Variants in DNAAF4 observed in about 807,000 individuals in gnomAD.
DNAAF4 encodes dynein assembly factor 4, axonemal.
Under a neutral mutation model 51.8 loss-of-function variants are expected in DNAAF4, and 43 were observed. The ratio of observed to expected loss-of-function variants is 0.83; its 90% CI spans 0.65 to 1.07. The LOEUF is 1.07. Among genes scored for constraint, DNAAF4 ranks in the 50% least tolerant of loss-of-function variants. The pLI is 0.00. For synonymous variants in DNAAF4, 194 were observed against 165.6 expected, an observed-to-expected ratio of 1.17 and a Z score of -1.32; for missense variants, 581 against 493.0, an observed-to-expected ratio of 1.18 and a Z score of -1.69.
chr15:55,489,817 G>T (rs745844956), intron 4 of DNAAF4, among the ~76,000 whole-genome samples: 2 of 151,476 alleles, frequency 1.3e-5, no homozygotes, highest in Non-Finnish European at 2.9e-5. Context: ...CTTAAATAAT[G>T]CGTATTATAG....
At position 55,477,504 on chromosome 15, in the gene DNAAF4, A is replaced by G. The variant is rs72744201; in HGVS notation, c.406-10343T>C. On this transcript the variant is annotated intron_variant, in intron 4 of 9. Transcript: ENST00000321149. ...AGGGAGGAGTAGAAAATGGAGTTATATTAGAACAAGTTGCTATATTTTACT... is the reference window on the plus strand; with the variant it reads ...AGGGAGGAGTAGAAAATGGAGTTATGTTAGAACAAGTTGCTATATTTTACT... 7.1e-3 allele frequency among the ~76,000 whole-genome samples: 1,077 copies of G among 152,252 alleles called. 7 individuals are homozygous for G. The highest frequency in any genetic ancestry group is 0.012 in the South Asian group (58 of 4,830).
At position 55,491,401 on chromosome 15, in the gene DNAAF4, C is replaced by A. The variant is rs538820030; in HGVS notation, c.272-145G>T. On this transcript the variant is annotated intron_variant, in intron 3 of 9. Coordinates refer to ENST00000321149, the MANE Select transcript of DNAAF4 (RefSeq NM_130810.4). ...ATGGAAAATATTTTTCAATATTAAA[C>A]TGGCCAAGAAGCTAATGTTAAAAGG... 34 of 809,792 alleles carry A rather than the reference C, an allele frequency of 4.2e-5. 1 individual carries two copies. In the African/African-American group the frequency reaches 4.4e-4, roughly 10 times the overall value. 50.2% of individuals were successfully genotyped at this position (809,792 alleles called of 1,614,324 possible). A position where few individuals can be genotyped will look rare whatever the true frequency, so the allele number is the denominator to read the frequency against.
At chr15:55,430,838 T>C (rs2057480794) in intron 9 of DNAAF4, 59 bp from the exon 10 acceptor site, 1 of 1,332,718 alleles carries the variant, frequency 7.5e-7, no homozygotes, top group Non-Finnish European at 1.1e-6. Flanking sequence ...ACTTCTTTTA[T>C]CTAGACAATA....
chr15:55,483,833 C>CTTTTTT lies in DNAAF4; in HGVS notation c.405+7284_405+7289dup, dbSNP rs71105887. On this transcript the variant is annotated intron_variant, in intron 4 of 9. Transcript: ENST00000321149. Reference sequence around the variant, plus strand: ...GAGCCATCACACCCAGCCAATAAAGCTTTTTTTTTTTTTTTTTTTTTTTTT... The same window carrying CTTTTTT: ...GAGCCATCACACCCAGCCAATAAAGCTTTTTTTTTTTTTTTTTTTTTTTTTTTTTTT... Among the ~76,000 whole-genome samples the CTTTTTT allele has an allele frequency of 2.9e-3, 236 of 82,444 alleles. 56 individuals are homozygous for CTTTTTT. Among genetic ancestry groups the CTTTTTT allele is most frequent in the Non-Finnish European group, 4.1e-3 (188 of 45,646 alleles). 54.1% of individuals were successfully genotyped at this position (82,444 alleles called of 152,430 possible).
At chr15:55,473,233 A>G (rs2919005) in intron 4 of DNAAF4, among the ~76,000 whole-genome samples, 9,288 of 43,386 alleles carry the variant, frequency 0.21, 1,098 homozygotes, top group East Asian at 0.47. Flanking sequence ...GTGTGTGTGT[A>G]TATATATATA....
At chr15:55,455,484 T>C (rs1766619345) in intron 5 of DNAAF4, among the ~76,000 whole-genome samples, 1 of 151,302 alleles carries the variant, frequency 6.6e-6, no homozygotes, top group South Asian at 2.1e-4. Flanking sequence ...CACACTGGAA[T>C]GCAGTGGCGC....
Position 55,452,558 on chromosome 15 carries a change from T to C in DNAAF4, c.638-2191A>G, listed in dbSNP as rs1030733754. ...AACTCTTCTATTTTCCATTTGCAAA[T>C]TGCAAAACATAAAAAAGAAATTTGC... On this transcript the variant is annotated intron_variant, in intron 5 of 9. Coordinates refer to ENST00000321149, the MANE Select transcript of DNAAF4 (RefSeq NM_130810.4). 2.0e-5 allele frequency among the ~76,000 whole-genome samples: 3 copies of C among 152,078 alleles called. No individual in the cohort carries two copies. In the East Asian group the frequency reaches 5.8e-4, roughly 29 times the overall value.
At chr15:55,450,190 G>T (rs2057911873) in intron 6 of DNAAF4, 32 bp downstream of exon 6, 2 of 1,552,100 alleles carry the variant, frequency 1.3e-6, no homozygotes, top group Non-Finnish European at 1.7e-6. Flanking sequence ...ATTTTCATTT[G>T]TGGTAATTGT....
chr15:55,442,776 AAC>A, intron 6 of DNAAF4: 1 of 1,605,432 alleles, frequency 6.2e-7, no homozygotes, highest in Non-Finnish European at 8.5e-7. Context: ...TTATCCTAAC[AAC>A]AGAACAAAGA....
At chr15:55,453,912 A>G (rs2141470691) in intron 5 of DNAAF4, among the ~76,000 whole-genome samples, 1 of 152,330 alleles carries the variant, frequency 6.6e-6, no homozygotes, top group Non-Finnish European at 1.5e-5. Context: ...TTGGACAAGT[A>G]TAACATAAAA....
chr15:55,450,103 G>A (rs1342193653), intron 6 of DNAAF4, 119 bp downstream of exon 6: 41 of 1,134,002 alleles, frequency 3.6e-5, no homozygotes, highest in South Asian at 1.2e-4. Context: ...TATTCATGAC[G>A]TTATTTCTTT....
chr15:55,455,365 C>T (rs2058002573), intron 5 of DNAAF4, among the ~76,000 whole-genome samples: 1 of 132,830 alleles, frequency 7.5e-6, no homozygotes, highest in Non-Finnish European at 1.5e-5. Context: ...GTGACAACTG[C>T]TTATAAAATA....
intron 6 of DNAAF4, among the ~76,000 whole-genome samples, chr15:55,445,032 C>CT (rs35988188): frequency 0.2 from 21,715 of 108,940 alleles, 2,747 homozygotes; most frequent in Non-Finnish European, 0.29. Context: ...ATTGAATACC[C>CT]TTTTTTTTTT....
At chr15:55,444,958 G>A (rs931154596) in intron 6 of DNAAF4, among the ~76,000 whole-genome samples, 2 of 151,674 alleles carry the variant, frequency 1.3e-5, no homozygotes. Context: ...TGAGACGATG[G>A]GGTTTTCTAA....
intron 7 of DNAAF4, among the ~76,000 whole-genome samples, chr15:55,437,250 T>C (rs894522177): frequency 3.5e-4 from 54 of 152,358 alleles, no homozygotes; most frequent in African/African-American, 1.3e-3. Flanking sequence ...AATAATTGCT[T>C]ATTTAATGGC....
intron 3 of DNAAF4, among the ~76,000 whole-genome samples, chr15:55,493,009 C>T (rs909346125): frequency 6.6e-6 from 1 of 152,114 alleles, no homozygotes. Context: ...CCCTAAAACT[C>T]TTATGTTAAA....
intron 6 of DNAAF4, chr15:55,442,693 G>T: frequency 1.4e-6 from 2 of 1,457,734 alleles, no homozygotes; most frequent in Non-Finnish European, 1.9e-6. Flanking sequence ...TGAATATAGG[G>T]TCTTCTCATC....
rs1001996471 is a variant in DNAAF4, at chr15:55,497,636, T to C, written c.271+76A>G. 36 of 1,513,666 alleles carry C rather than the reference T, an allele frequency of 2.4e-5. No individual in the cohort carries two copies. In the African/African-American group the frequency reaches 4.2e-4, roughly 18 times the overall value. The allele number at this position is 1,513,666 out of a possible 1,614,324, so 93.8% of individuals were successfully genotyped here. A position where few individuals can be genotyped will look rare whatever the true frequency, so the allele number is the denominator to read the frequency against. On this transcript the variant is annotated intron_variant, in intron 3 of 9. Coordinates refer to ENST00000321149, the MANE Select transcript of DNAAF4 (RefSeq NM_130810.4). ...ATCTTCCCCTACACAATATAGGTGC[T>C]TCAAAATAAAATTTTTTAAAAGGTC...
rs751721570 is a variant in DNAAF4 at position 55,466,953 on chromosome 15, G to A, written c.614C>T (p.Ala205Val). Residue 205 changes from alanine to valine, a missense_variant, in exon 5 of 10, where the codon GCA becomes GTA. Coordinates refer to ENST00000321149, the MANE Select transcript of DNAAF4 (RefSeq NM_130810.4). Reference protein sequence around the residue: ...IKYKSLTRNLASRNLAPKGRN... With the variant: ...IKYKSLTRNLVSRNLAPKGRN... ...ACCTTTTGGAGCAAGATTTCTAGAT[G>A]CCAAATTTCTAGTAAGACTCTTATA... is the stretch of plus-strand genomic sequence containing the variant. 4 of 1,583,396 alleles carry A rather than the reference G, an allele frequency of 2.5e-6. No homozygotes were observed. Among genetic ancestry groups the A allele is most frequent in the East Asian group, 2.3e-5 (1 of 44,386 alleles).
Sources: gnomAD v4.1 joint callset for allele counts (sites outside exome capture counted in the v4.1 genomes callset) on GRCh38, gnomAD v4.1.1 for gene constraint, MANE v1.5 for transcripts, NCBI Gene and HGNC (gene_info 2026-07-23, HGNC 2026-07-21) for gene names.